Variants in GHR observed in about 807,000 individuals in gnomAD.
The protein encoded by GHR is growth hormone receptor.
A neutral mutation model predicts 67.1 loss-of-function variants in GHR; 35 were observed. The observed-to-expected ratio is 0.52, with a 90% CI of 0.40 to 0.69. The LOEUF (loss-of-function observed/expected upper bound fraction) is 0.69, where lower values mean the gene tolerates loss of function less well. GHR is among the 30% of genes least tolerant of loss of function. GHR has a pLI of 0.00. For missense variants in GHR, 792 were observed against 764.6 expected (o/e 1.04, Z -0.42); for synonymous variants, 272 against 269.1 (o/e 1.01, Z -0.10).
intron 1 of GHR, chr5:42,466,827 G>T (rs1744753928): frequency 1.7e-6 from 2 of 1,188,192 alleles, no homozygotes; most frequent in Non-Finnish European, 2.3e-6. Flanking sequence ...GCAAAGAGGT[G>T]TCTCATTTGG....
chr5:42,534,451 T>C (rs1748157310), intron 1 of GHR, among the ~76,000 whole-genome samples: 1 of 141,310 alleles, frequency 7.1e-6, no homozygotes, highest in Non-Finnish European at 1.5e-5. Flanking sequence ...TATGTGTATA[T>C]ATGTATGTAT....
At chr5:42,534,249 T>TATATGTAC (rs1167752717) in intron 1 of GHR, among the ~76,000 whole-genome samples, 1 of 140,962 alleles carries the variant, frequency 7.1e-6, no homozygotes, top group African/African-American at 2.8e-5. Flanking sequence ...TATATATGTA[T>TATATGTAC]ATATGTACAT....
intron 4 of GHR, among the ~76,000 whole-genome samples, chr5:42,694,162 G>A (rs1414739990): frequency 6.6e-6 from 1 of 152,124 alleles, no homozygotes; most frequent in East Asian, 1.9e-4. Flanking sequence ...AAGGACCCTA[G>A]AGAGCACTAC....
chr5:42,555,346 C>A (rs1166482095), intron 1 of GHR, among the ~76,000 whole-genome samples: 3 of 152,112 alleles, frequency 2.0e-5, no homozygotes, highest in Non-Finnish European at 4.4e-5. Flanking sequence ...TTTGACAGGC[C>A]CTATGCACTG....
Position 42,629,993 on chromosome 5 carries a change from TC to T in GHR, c.136+891del. Among the ~76,000 whole-genome samples the T allele has an allele frequency of 1.5e-5, 2 of 131,740 alleles. 1 individual carries two copies. Among genetic ancestry groups the T allele is most frequent in the East Asian group, 4.1e-4 (2 of 4,870 alleles). The allele number at this position is 131,740 out of a possible 152,430, so 86.4% of individuals were successfully genotyped here. Reference sequence around the variant, plus strand: ...CGCTGGTCCTTTGACAATCTCCTCTTCAACCACAAGACAGAACCCCACCATC... The same window carrying T: ...CGCTGGTCCTTTGACAATCTCCTCTTAACCACAAGACAGAACCCCACCATC... On this transcript the variant is annotated intron_variant, in intron 3 of 9. Coordinates refer to ENST00000230882, the MANE Select transcript of GHR (RefSeq NM_000163.5).
intron 1 of GHR, among the ~76,000 whole-genome samples, chr5:42,517,754 T>C (rs1165985048): frequency 6.6e-6 from 1 of 152,144 alleles, no homozygotes; most frequent in South Asian, 2.1e-4. Context: ...AGACTTAAAG[T>C]GAAGTTAGGT....
chr5:42,556,526 A>G (rs372294622), intron 1 of GHR, among the ~76,000 whole-genome samples: 3 of 152,354 alleles, frequency 2.0e-5, no homozygotes. Flanking sequence ...ACGTGTAGAA[A>G]GAGAAAAAAA....
intron 1 of GHR, among the ~76,000 whole-genome samples, chr5:42,434,864 T>C (rs1433865308): frequency 2.0e-5 from 3 of 152,218 alleles, no homozygotes; most frequent in Non-Finnish European, 4.4e-5. Context: ...ATTGGTTGAC[T>C]TTTTGGAAAG....
chr5:42,482,161 G>T (rs1166294015), intron 1 of GHR, among the ~76,000 whole-genome samples: 5 of 152,188 alleles, frequency 3.3e-5, no homozygotes, highest in East Asian at 3.8e-4. Flanking sequence ...GACCCTGTTT[G>T]CCTGGGTATC....
intron 3 of GHR, among the ~76,000 whole-genome samples, chr5:42,646,536 CTTTG>C (rs1271130232): frequency 6.6e-6 from 1 of 151,954 alleles, no homozygotes. Context: ...GAAATGTCTG[CTTTG>C]TTTGTTGTTA....
At chr5:42,570,703 G>A (rs1361152549) in intron 2 of GHR, among the ~76,000 whole-genome samples, 4 of 152,140 alleles carry the variant, frequency 2.6e-5, no homozygotes, top group African/African-American at 9.7e-5. Context: ...AATTTTGAAT[G>A]TATATTCCTG....
intron 1 of GHR, among the ~76,000 whole-genome samples, chr5:42,454,239 T>C (rs796072953): frequency 6.6e-6 from 1 of 152,318 alleles, no homozygotes; most frequent in African/African-American, 2.4e-5. Context: ...TCCCTGATTG[T>C]AGATAGGTGT....
intron 2 of GHR, among the ~76,000 whole-genome samples, chr5:42,572,752 C>T (rs1475557866): frequency 6.6e-6 from 1 of 152,098 alleles, no homozygotes; most frequent in East Asian, 1.9e-4. Flanking sequence ...ATCACATTTC[C>T]ATGGAAGGAT....
At chr5:42,582,333 C>T (rs1751222764) in intron 2 of GHR, among the ~76,000 whole-genome samples, 2 of 152,226 alleles carry the variant, frequency 1.3e-5, no homozygotes. Flanking sequence ...ACTTATGGTG[C>T]TTTATCCAGG....
At chr5:42,578,244 G>A (rs1482644642) in intron 2 of GHR, among the ~76,000 whole-genome samples, 1 of 152,146 alleles carries the variant, frequency 6.6e-6, no homozygotes. Flanking sequence ...TCCTGCTTGA[G>A]AACCACAGTC....
At chr5:42,676,660 C>G (rs910921720) in intron 3 of GHR, among the ~76,000 whole-genome samples, 1 of 152,098 alleles carries the variant, frequency 6.6e-6, no homozygotes, top group Non-Finnish European at 1.5e-5. Context: ...AGTTCAGTTA[C>G]TTTTAACAAT....
intron 1 of GHR, among the ~76,000 whole-genome samples, chr5:42,502,119 G>A (rs186107633): frequency 1.3e-4 from 20 of 152,216 alleles, no homozygotes; most frequent in Non-Finnish European, 2.6e-4. Flanking sequence ...AGGGACCTCA[G>A]CTCTTCATGT....
chr5:42,450,790 G>A (rs746095245), intron 1 of GHR, among the ~76,000 whole-genome samples: 1 of 151,908 alleles, frequency 6.6e-6, no homozygotes, highest in African/African-American at 2.4e-5. Context: ...TTTCCTCTTA[G>A]CATCACTTTT....
intron 1 of GHR, among the ~76,000 whole-genome samples, chr5:42,440,028 C>G (rs1579701301): frequency 6.6e-6 from 1 of 152,134 alleles, no homozygotes; most frequent in South Asian, 2.1e-4. Flanking sequence ...ATATTGATAG[C>G]CTGAGTGTGA....
Sources: gnomAD v4.1 joint callset for allele counts (sites outside exome capture counted in the v4.1 genomes callset) on GRCh38, gnomAD v4.1.1 for gene constraint, MANE v1.5 for transcripts, NCBI Gene and HGNC (gene_info 2026-07-23, HGNC 2026-07-21) for gene names.